The following EDA variants were observed in gnomAD, a reference collection of about 807,000 sequenced individuals.
EDA encodes the protein ectodysplasin-A.
In EDA, 2 loss-of-function variants were observed where a neutral mutation model predicts 23.6. The observed-to-expected ratio is 0.08, with a 90% CI of 0.03 to 0.27. The LOEUF is 0.27. Ranked by LOEUF, EDA falls within the 10% of genes least tolerant of loss-of-function variation. The pLI is 1.00. For synonymous variants in EDA, 131 were observed against 132.0 expected (o/e 0.99, Z 0.05); for missense variants, 229 against 324.2 (o/e 0.71, Z 2.26).
At chrX:69,852,849 G>T (rs1445908843) in intron 1 of EDA, among the ~76,000 whole-genome samples, 1 of 111,743 alleles carries the variant, frequency 8.9e-6, no homozygotes, top group African/African-American at 3.3e-5. Context: ...CCCACTGCTG[G>T]TGTGGCCTGA....
At chrX:69,661,853 A>G in intron 1 of EDA, among the ~76,000 whole-genome samples, 1 of 111,935 alleles carries the variant, frequency 8.9e-6, no homozygotes, top group Non-Finnish European at 1.9e-5. Flanking sequence ...TTCATTGTGT[A>G]TATTTAAGGT....
intron 1 of EDA, among the ~76,000 whole-genome samples, chrX:69,751,896 G>C (rs1004486388): frequency 2.8e-5 from 3 of 108,650 alleles, no homozygotes; most frequent in Non-Finnish European, 3.8e-5. Flanking sequence ...TCCTGTTATA[G>C]GAATGCTTGT....
At chrX:69,682,482 A>G (rs1428166581) in intron 1 of EDA, among the ~76,000 whole-genome samples, 3 of 112,110 alleles carry the variant, frequency 2.7e-5, no homozygotes, top group Non-Finnish European at 5.6e-5. Context: ...GACTCCGTGG[A>G]CGTAGGACAC....
intron 1 of EDA, among the ~76,000 whole-genome samples, chrX:69,793,484 C>T (rs1233643529): frequency 1.9e-5 from 2 of 106,870 alleles, no homozygotes; most frequent in African/African-American, 3.4e-5. Context: ...TTCCGTCTTT[C>T]TCTCTCACCT....
intron 2 of EDA, among the ~76,000 whole-genome samples, chrX:70,007,023 A>G (rs1030216911): frequency 1.4e-4 from 16 of 111,272 alleles, no homozygotes; most frequent in Non-Finnish European, 3.0e-4. Context: ...TCCCTTCTCC[A>G]TTAGGTTGCC....
intron 2 of EDA, among the ~76,000 whole-genome samples, chrX:70,009,668 C>T (rs182697334): frequency 9.0e-6 from 1 of 111,453 alleles, no homozygotes; most frequent in African/African-American, 3.3e-5. Context: ...CTCACTGCAA[C>T]GTCCGCCTCC....
At chrX:69,778,010 C>T (rs755699941) in intron 1 of EDA, among the ~76,000 whole-genome samples, 7 of 111,185 alleles carry the variant, frequency 6.3e-5, no homozygotes, top group Non-Finnish European at 9.5e-5. Context: ...TATCATAAGA[C>T]GTTGCTGGTT....
Position 69,616,719 on chromosome X carries a change from A to C in EDA, c.396+15A>C. On this transcript the variant is annotated intron_variant, in intron 1 of 7. Transcript: ENST00000374552. ...ACGGGCACCAGGTGAGTCACCTAGT[A>C]GGGGCGGCGGCGGCCCCCTCCCCTC... 1 of 1,210,977 alleles carries C rather than the reference A, an allele frequency of 8.3e-7. No individual in the cohort carries two copies. Among genetic ancestry groups the C allele is most frequent in the South Asian group, 1.8e-5 (1 of 56,945 alleles).
chrX:69,827,622 C>T (rs1353479715), intron 1 of EDA, among the ~76,000 whole-genome samples: 3 of 111,489 alleles, frequency 2.7e-5, no homozygotes, highest in Non-Finnish European at 5.6e-5. Flanking sequence ...TCAAAGTTTT[C>T]AACCTCTTTG....
chrX:69,955,927 A>G (rs1377018243), intron 1 of EDA, among the ~76,000 whole-genome samples: 4 of 112,209 alleles, frequency 3.6e-5, no homozygotes, highest in Non-Finnish European at 7.5e-5. Flanking sequence ...CTAAAAGATT[A>G]TGATTCAATT....
intron 1 of EDA, among the ~76,000 whole-genome samples, chrX:69,818,461 G>A: frequency 9.0e-6 from 1 of 111,293 alleles, no homozygotes; most frequent in South Asian, 3.7e-4. Context: ...TAATGAAATA[G>A]ACTGCTAGCT....
At chrX:69,894,381 C>T (rs2017977452) in intron 1 of EDA, among the ~76,000 whole-genome samples, 1 of 111,607 alleles carries the variant, frequency 9.0e-6, no homozygotes, top group Admixed American at 9.6e-5. Context: ...ATTGTGTTGG[C>T]TATTCGAGCT....
At chrX:69,885,599 C>T (rs752908275) in intron 1 of EDA, among the ~76,000 whole-genome samples, 6 of 112,195 alleles carry the variant, frequency 5.3e-5, no homozygotes, top group Non-Finnish European at 1.1e-4. Context: ...TTCTCCACAG[C>T]AACAATAATT....
chrX:69,849,844 C>T (rs2017089314), intron 1 of EDA, among the ~76,000 whole-genome samples: 1 of 111,706 alleles, frequency 9.0e-6, no homozygotes, highest in Non-Finnish European at 1.9e-5. Flanking sequence ...ATAGAAACAA[C>T]TGTTGGTGGT....
At chrX:69,788,077 A>G (rs944580090) in intron 1 of EDA, among the ~76,000 whole-genome samples, 1 of 111,039 alleles carries the variant, frequency 9.0e-6, no homozygotes, top group Non-Finnish European at 1.9e-5. Flanking sequence ...CTTCCAGTTG[A>G]TCACATCGGC....
intron 1 of EDA, among the ~76,000 whole-genome samples, chrX:69,634,526 C>T (rs1014866029): frequency 1.8e-5 from 2 of 110,379 alleles, no homozygotes; most frequent in Admixed American, 1.9e-4. Context: ...CCCATGTTGG[C>T]CAGGCTGGTC....
intron 1 of EDA, among the ~76,000 whole-genome samples, chrX:69,704,762 T>C (rs746866528): frequency 1.2e-4 from 13 of 111,817 alleles, no homozygotes; most frequent in Admixed American, 3.8e-4. Context: ...CACTTAAACT[T>C]GTATCCCATT....
intron 1 of EDA, among the ~76,000 whole-genome samples, chrX:69,786,393 T>C (rs1410995049): frequency 1.9e-5 from 2 of 105,238 alleles, no homozygotes; most frequent in African/African-American, 6.9e-5. Context: ...AGGGTGTCAA[T>C]TTTGGATCTT....
In EDA at chrX:69,747,546, G is replaced by T. The variant is rs550940136; in HGVS notation, c.396+130842G>T. On this transcript the variant is annotated intron_variant, in intron 1 of 7. Transcript: ENST00000374552. Reference sequence around the variant, plus strand: ...CAGATTGTGCTTTAACATGATTACTGTCTGCAGAGTGGACAGTGGATTGAA... The same window carrying T: ...CAGATTGTGCTTTAACATGATTACTTTCTGCAGAGTGGACAGTGGATTGAA... Among the ~76,000 whole-genome samples the T allele has an allele frequency of 8.0e-5, 9 of 112,367 alleles. No individual in the cohort carries two copies. In the South Asian group the frequency reaches 3.3e-3, roughly 42 times the overall value.
Sources: gnomAD v4.1 joint callset for allele counts (sites outside exome capture counted in the v4.1 genomes callset) on GRCh38, gnomAD v4.1.1 for gene constraint, MANE v1.5 for transcripts, NCBI Gene and HGNC (gene_info 2026-07-23, HGNC 2026-07-21) for gene names.